Variants in PLIN3 observed in about 807,000 individuals in gnomAD.
PLIN3 encodes perilipin 3.
Under a neutral mutation model 35.9 loss-of-function variants are expected in PLIN3, and 30 were observed. That is an observed-to-expected ratio of 0.84 (90% CI 0.62 to 1.13). The LOEUF is 1.13. Among genes scored for constraint, PLIN3 ranks in the 50% most tolerant of loss-of-function variants. The pLI is 0.00. For missense variants in PLIN3, 603 were observed against 596.9 expected (o/e 1.01, Z -0.11); for synonymous variants, 261 against 262.5 (o/e 0.99, Z 0.06).
chr19:4,857,234 T>C (rs986926148), intron 4 of PLIN3, among the ~76,000 whole-genome samples: 8 of 151,784 alleles, frequency 5.3e-5, no homozygotes, highest in South Asian at 2.1e-4. Context: ...GCCCAAGAGT[T>C]GGAGACCGGC....
intron 1 of PLIN3, chr19:4,866,697 G>C (rs564180252): frequency 3.9e-4 from 60 of 152,382 alleles, no homozygotes; most frequent in African/African-American, 1.3e-3. Context: ...AGCTCACCTG[G>C]GCAGGGGGCC....
At chr19:4,858,141 C>T (rs1331739661) in intron 4 of PLIN3, among the ~76,000 whole-genome samples, 5 of 150,644 alleles carry the variant, frequency 3.3e-5, no homozygotes, top group Admixed American at 6.6e-5. Context: ...GGCGTGGTGG[C>T]AGACGTCTGC....
At chr19:4,860,391 G>C (rs751693909) in intron 2 of PLIN3, among the ~76,000 whole-genome samples, 1 of 151,900 alleles carries the variant, frequency 6.6e-6, no homozygotes, top group South Asian at 2.1e-4. Flanking sequence ...TTTTAGTAGA[G>C]ATGGGGTTTC....
At chr19:4,850,782 G>T (rs2146204472) in intron 5 of PLIN3, among the ~76,000 whole-genome samples, 1 of 151,502 alleles carries the variant, frequency 6.6e-6, no homozygotes, top group African/African-American at 2.4e-5. Context: ...TGTTGGCCAG[G>T]CTTGTCTCAA....
chr19:4,864,306 C>T (rs1003061559), intron 1 of PLIN3, among the ~76,000 whole-genome samples: 14 of 151,640 alleles, frequency 9.2e-5, no homozygotes, highest in Non-Finnish European at 1.0e-4. Flanking sequence ...GTGTGCACCA[C>T]GTCTGGCTAA....
At chr19:4,845,247 G>A (rs914429122) in intron 6 of PLIN3, among the ~76,000 whole-genome samples, 16 of 151,984 alleles carry the variant, frequency 1.1e-4, no homozygotes, top group Non-Finnish European at 1.9e-4. Context: ...CCAACATGGT[G>A]AAACCCCGTC....
intron 1 of PLIN3, chr19:4,866,731 G>A (rs2030870899): frequency 6.6e-6 from 1 of 152,296 alleles, no homozygotes; most frequent in Non-Finnish European, 1.5e-5. Context: ...TCAAACTCCT[G>A]GCCTCGACCG....
At position 4,852,269 on chromosome 19, in the gene PLIN3, A is replaced by G; in HGVS notation, c.381T>C (p.Ser127=). 6.2e-7 allele frequency: 1 copy of G among 1,604,866 alleles called. No individual in the cohort carries two copies. Among genetic ancestry groups the G allele is most frequent in the Non-Finnish European group, 8.5e-7 (1 of 1,179,942 alleles). ...CCATCTCTTGGGCCCCCGACACCTT[A>G]GACGACACAAGCTCCTTGGTGTCCG... ...VLADTKELVS[S]KVSGAQEMVS... is the part of the protein sequence containing the mutation. The change falls in exon 5 of 8, where the codon TCT becomes TCC. Residue 127 remains serine, a synonymous_variant. Coordinates refer to ENST00000221957, the MANE Select transcript of PLIN3 (RefSeq NM_005817.5).
Position 4,861,315 on chromosome 19 carries a change from C to G in PLIN3, c.66+14G>C. On this transcript the variant is annotated intron_variant, in intron 2 of 7. Transcript: ENST00000221957. The stretch of plus-strand genomic sequence containing the variant: ...ACAGGGTCGGGGCAGTCCCTGGTCC[C>G]GGCCCTTCCTCACCTGCTGTACCGG... 6.2e-7 allele frequency: 1 copy of G among 1,611,718 alleles called. No individual in the cohort carries two copies. Among genetic ancestry groups the G allele is most frequent in the South Asian group, 1.1e-5 (1 of 91,040 alleles).
chr19:4,855,987 GC>G (rs2030462291), intron 4 of PLIN3, among the ~76,000 whole-genome samples: 1 of 151,256 alleles, frequency 6.6e-6, no homozygotes, highest in Non-Finnish European at 1.5e-5. Context: ...GGCCATTTCT[GC>G]ATAAATGGGA....
In PLIN3 at chr19:4,861,428, A is replaced by G; in HGVS notation, c.-17-17T>C. The G allele has an allele frequency of 6.3e-7, 1 of 1,585,176 alleles. No homozygotes were observed. On this transcript the variant is annotated splice_polypyrimidine_tract_variant and intron_variant, in intron 1 of 7. Transcript: ENST00000221957. Reference sequence around the variant, plus strand: ...CAGCAGACGCTGAGGAGAGAGGAACAGTCAGGTACAGCCTGCCTGGCCCCA... The same window carrying G: ...CAGCAGACGCTGAGGAGAGAGGAACGGTCAGGTACAGCCTGCCTGGCCCCA...
chr19:4,859,688 A>T lies in PLIN3; in HGVS notation c.266-16T>A, dbSNP rs1189606316. ...GCTGATGCAACTGCCAACAACAATT[A>T]AGACGCAAATGTGACTGCTGGAAGG... On this transcript the variant is annotated splice_polypyrimidine_tract_variant and intron_variant, in intron 3 of 7. Coordinates refer to ENST00000221957, the MANE Select transcript of PLIN3 (RefSeq NM_005817.5). The T allele has an allele frequency of 1.2e-6, 2 of 1,613,538 alleles. No homozygotes were observed. The highest frequency in any genetic ancestry group is 4.5e-5 in the East Asian group (2 of 44,876).
chr19:4,851,067 G>C (rs1410171231), intron 5 of PLIN3, among the ~76,000 whole-genome samples: 4 of 152,140 alleles, frequency 2.6e-5, no homozygotes, highest in South Asian at 2.1e-4. Context: ...CGGAGGCTGA[G>C]ATGGGAGGCT....
intron 2 of PLIN3, among the ~76,000 whole-genome samples, chr19:4,860,989 T>C (rs2030655623): frequency 6.6e-6 from 1 of 151,946 alleles, no homozygotes; most frequent in African/African-American, 2.4e-5. Context: ...ATACATAAAA[T>C]AAAATCACCT....
chr19:4,848,983 T>TA lies in PLIN3; in HGVS notation c.635-1094dup, dbSNP rs546678219. 4.2e-3 allele frequency among the ~76,000 whole-genome samples: 642 copies of TA among 152,254 alleles called. 1 individual carries two copies. Among genetic ancestry groups the TA allele is most frequent in the Middle Eastern group, 0.01 (3 of 294 alleles). ...TTCCTGTACTTTTTCTTCTTTTTTT[T>TA]AGACAGGGTCTCGGTCTGTTGCCCA... On this transcript the variant is annotated intron_variant, in intron 5 of 7. Coordinates refer to ENST00000221957, the MANE Select transcript of PLIN3 (RefSeq NM_005817.5).
At chr19:4,859,727 G>C in intron 3 of PLIN3, 55 bp from the exon 4 acceptor site, 2 of 1,602,250 alleles carry the variant, frequency 1.2e-6, no homozygotes, top group African/African-American at 1.3e-5. Context: ...CCTAGTAATG[G>C]TTCAGGGGGA....
rs768570467 is a variant in PLIN3 at position 4,839,560 on chromosome 19, A to C, written c.961-24T>G. ...TGCTGAGAAGGGAGATGGGGACACC[A>C]ATCAGGACCATTTGTTTCAGGAAAG... On this transcript the variant is annotated intron_variant, in intron 7 of 7. Coordinates refer to ENST00000221957, the MANE Select transcript of PLIN3 (RefSeq NM_005817.5). The C allele has an allele frequency of 2.7e-6, 4 of 1,475,408 alleles. No homozygotes were observed. The South Asian group carries it at 4.3e-5, about 16-fold the overall frequency. 91.4% of individuals were successfully genotyped at this position (1,475,408 alleles called of 1,614,324 possible).
intron 5 of PLIN3, among the ~76,000 whole-genome samples, chr19:4,850,868 C>T (rs1012177260): frequency 6.6e-6 from 1 of 152,040 alleles, no homozygotes; most frequent in African/African-American, 2.4e-5. Context: ...CCGCGCCCTG[C>T]CTATATCCTA....
At chr19:4,839,579 AG>A in intron 7 of PLIN3, 43 bp from the exon 8 acceptor site, 1 of 1,415,192 alleles carries the variant, frequency 7.1e-7, no homozygotes, top group South Asian at 1.6e-5. Flanking sequence ...CATTTGTTTC[AG>A]GAAAGGCGAT....
Sources: allele counts gnomAD v4.1 joint callset (sites outside exome capture counted in the v4.1 genomes callset), GRCh38; gene constraint gnomAD v4.1.1; transcripts MANE v1.5; gene names NCBI Gene and HGNC (gene_info 2026-07-23, HGNC 2026-07-21).